The following TMEM255A variants were observed in gnomAD, a reference collection of about 807,000 sequenced individuals.
TMEM255A encodes transmembrane protein 255A.
In TMEM255A, 14 loss-of-function variants were observed where a neutral mutation model predicts 23.5. The observed-to-expected ratio is 0.60, with a 90% CI of 0.39 to 0.93. The LOEUF (loss-of-function observed/expected upper bound fraction) is 0.93, where lower values mean the gene tolerates loss of function less well. Ranked by LOEUF, TMEM255A falls within the 40% of genes least tolerant of loss-of-function variation. The pLI, the probability that TMEM255A is intolerant of heterozygous loss-of-function variation, is 0.00. For missense variants in TMEM255A, 233 were observed against 261.7 expected (o/e 0.89, Z 0.76); for synonymous variants, 104 against 100.3 (o/e 1.04, Z -0.22).
chrX:120,293,048 A>T (rs1389067523), intron 3 of TMEM255A, among the ~76,000 whole-genome samples: 4 of 112,518 alleles, frequency 3.6e-5, no homozygotes, highest in African/African-American at 1.3e-4. Flanking sequence ...GAAAAAAACT[A>T]TTAGAACTCC....
At chrX:120,294,512 G>A (rs1302582496) in intron 2 of TMEM255A, among the ~76,000 whole-genome samples, 5 of 110,441 alleles carry the variant, frequency 4.5e-5, no homozygotes, top group Non-Finnish European at 9.5e-5. Flanking sequence ...TACAATAAAA[G>A]TATTTTTCCC....
At chrX:120,261,558 A>C (rs1556016688) in intron 8 of TMEM255A, among the ~76,000 whole-genome samples, 1 of 111,525 alleles carries the variant, frequency 9.0e-6, no homozygotes, top group Admixed American at 9.5e-5. Flanking sequence ...GCTTGCTCGG[A>C]TCTGGAGTCT....
At chrX:120,253,989 G>A, downstream of TMEM255A, 1 of 1,209,117 alleles carries the variant, frequency 8.3e-7, no homozygotes, top group Non-Finnish European at 1.1e-6. Flanking sequence ...TGATGATGAT[G>A]ATGATGATGT....
intron 6 of TMEM255A, among the ~76,000 whole-genome samples, chrX:120,284,373 C>T (rs782322856): frequency 3.6e-5 from 4 of 111,606 alleles, no homozygotes; most frequent in South Asian, 3.8e-4. Context: ...AGAACCTTTG[C>T]ACTTGCTATT....
At chrX:120,254,210 A>G, downstream of TMEM255A, 2 of 1,212,130 alleles carry the variant, frequency 1.6e-6, no homozygotes, top group Non-Finnish European at 2.2e-6. Flanking sequence ...AAGGAAGTGA[A>G]AAATTGTTGG....
chrX:120,269,475 C>T (rs1556018264), intron 7 of TMEM255A, among the ~76,000 whole-genome samples: 9 of 112,109 alleles, frequency 8.0e-5, no homozygotes, highest in Non-Finnish European at 1.9e-5. Flanking sequence ...GCAGAAGCTT[C>T]CTCTCAAGTG....
chrX:120,282,116 TA>T (rs1268271430), intron 6 of TMEM255A, among the ~76,000 whole-genome samples: 3 of 111,478 alleles, frequency 2.7e-5, no homozygotes, highest in African/African-American at 9.8e-5. Context: ...TTGGCAAAAT[TA>T]AAGTCTCCAA....
Position 120,259,986 on chromosome X carries a change from TTAAA to T in TMEM255A, c.*880_*883del, listed in dbSNP as rs1450518983. 3.5e-6 allele frequency: 1 copy of T among 283,237 alleles called. No individual in the cohort carries two copies. Among genetic ancestry groups the T allele is most frequent in the Non-Finnish European group, 4.8e-6 (1 of 208,920 alleles). 23.3% of individuals were successfully genotyped at this position (283,237 alleles called of 1,213,427 possible). ...TGGGGTTAAGCACAATATTTGAAGA[TTAAA>T]TAGTCACAAAGATTAGTAACAATTC... On this transcript the variant is annotated 3_prime_UTR_variant, in exon 9 of 9. Coordinates refer to ENST00000371369, the MANE Select transcript of TMEM255A (RefSeq NM_001104544.3).
intron 4 of TMEM255A, 39 bp from the exon 5 acceptor site, chrX:120,287,261 T>C: frequency 9.0e-7 from 1 of 1,113,429 alleles, no homozygotes; most frequent in Non-Finnish European, 1.2e-6. Flanking sequence ...GTTTTGACTT[T>C]GGAAAATAAA....
chrX:120,262,290 G>A (rs782757110), intron 8 of TMEM255A, among the ~76,000 whole-genome samples: 6 of 111,100 alleles, frequency 5.4e-5, no homozygotes, highest in African/African-American at 2.0e-4. Flanking sequence ...ACTCCGTCTC[G>A]AAAATAAATA....
At chrX:120,289,890 CATT>C (rs1556022571) in intron 4 of TMEM255A, among the ~76,000 whole-genome samples, 1 of 111,011 alleles carries the variant, frequency 9.0e-6, no homozygotes, top group African/African-American at 3.3e-5. Flanking sequence ...ATCTTGAAAA[CATT>C]ATACTAACTG....
chrX:120,285,355 G>C (rs1358457432), intron 5 of TMEM255A, 140 bp from the exon 6 acceptor site: 4 of 637,231 alleles, frequency 6.3e-6, no homozygotes, highest in Non-Finnish European at 1.0e-5. Flanking sequence ...GGAAGGATGG[G>C]GCTGGATGGG....
intron 2 of TMEM255A, 127 bp downstream of exon 2, chrX:120,304,222 C>G: frequency 1.4e-6 from 1 of 732,345 alleles, no homozygotes; most frequent in Non-Finnish European, 2.0e-6. Flanking sequence ...CATAAATATA[C>G]AGAGATACAA....
chrX:120,303,444 A>C (rs930759673), intron 2 of TMEM255A, among the ~76,000 whole-genome samples: 8 of 111,248 alleles, frequency 7.2e-5, no homozygotes, highest in African/African-American at 2.3e-4. Context: ...TCTCAACAAA[A>C]TGGATAAGAG....
At chrX:120,293,891 G>A (rs1603402899) in intron 3 of TMEM255A, 98 bp downstream of exon 3, 1 of 632,798 alleles carries the variant, frequency 1.6e-6, no homozygotes, top group East Asian at 4.5e-5. Context: ...TTCCTTTTAT[G>A]ACCAAATCAC....
chrX:120,272,322 G>A (rs2057766859), intron 7 of TMEM255A, among the ~76,000 whole-genome samples: 1 of 111,955 alleles, frequency 8.9e-6, no homozygotes, highest in South Asian at 3.7e-4. Flanking sequence ...GGACCCTGCA[G>A]CCCAGGCCTT....
chrX:120,311,181 C>A (rs1255867674), intron 1 of TMEM255A, 71 bp downstream of exon 1: 14 of 945,799 alleles, frequency 1.5e-5, no homozygotes, highest in South Asian at 2.1e-5. Flanking sequence ...GCAGCTGGGG[C>A]GTTCACAGTC....
chrX:120,270,885 A>T (rs782199839), intron 7 of TMEM255A, among the ~76,000 whole-genome samples: 1 of 111,476 alleles, frequency 9.0e-6, no homozygotes, highest in Non-Finnish European at 1.9e-5. Flanking sequence ...TAGGCCAAGG[A>T]TTGTACTTAG....
rs781959067 is a variant in TMEM255A, at chrX:120,285,204, A to T, written c.435T>A (p.Pro145=). 2.9e-5 allele frequency: 35 copies of T among 1,208,972 alleles called. No individual in the cohort carries two copies. The highest frequency in any genetic ancestry group is 3.9e-5 in the Non-Finnish European group (35 of 892,877). ...GTGTGCAGAATTCACGGCTGAGGTGAGGGCAGTTAACCTGACGGTATATAA... is the reference window on the plus strand; with the variant it reads ...GTGTGCAGAATTCACGGCTGAGGTGTGGGCAGTTAACCTGACGGTATATAA... The part of the protein sequence containing the change: ...SQKEAEEVNC[P]HLSREFCTPR... Residue 145 remains proline, a synonymous_variant, in exon 6 of 9, where the codon CCT becomes CCA. Transcript: ENST00000371369.
Sources: gnomAD v4.1 joint callset for allele counts (sites outside exome capture counted in the v4.1 genomes callset) on GRCh38, gnomAD v4.1.1 for gene constraint, MANE v1.5 for transcripts, NCBI Gene and HGNC (gene_info 2026-07-23, HGNC 2026-07-21) for gene names.